KIF13A: variants seen among roughly 807,000 people sequenced by gnomAD.
KIF13A encodes the protein kinesin-like protein KIF13A.
In KIF13A, 79 loss-of-function variants were observed where a neutral mutation model predicts 212.2. The ratio of observed to expected loss-of-function variants is 0.37; its 90% confidence interval spans 0.31 to 0.45. The LOEUF (loss-of-function observed/expected upper bound fraction) is 0.45, where lower values mean the gene tolerates loss of function less well. Ranked by LOEUF, KIF13A falls within the 20% of genes least tolerant of loss-of-function variation. The pLI, the probability that KIF13A is intolerant of heterozygous loss-of-function variation, is 1.00. For synonymous variants in KIF13A, 789 were observed against 808.6 expected (o/e 0.98, Z 0.41); for missense variants, 1,901 against 2,209.0 (o/e 0.86, Z 2.79).
rs1280577030 is a variant in KIF13A at position 17,783,939 on chromosome 6, T to C, written c.3489-238A>G. 6.6e-6 allele frequency among the ~76,000 whole-genome samples: 1 copy of C among 152,152 alleles called. No individual in the cohort carries two copies. Among genetic ancestry groups the C allele is most frequent in the Non-Finnish European group, 1.5e-5 (1 of 68,030 alleles). On this transcript the variant is annotated intron_variant, in intron 28 of 38. Coordinates refer to ENST00000259711, the MANE Select transcript of KIF13A (RefSeq NM_022113.6). The surrounding 1 kb of genome is among the most constrained non-coding windows in gnomAD (Gnocchi z 4.3). ...ATGTAATTAATTGAAACAAAGATGA[T>C]TTTAAGCCTTTCTAAAAATAATTCC...
At chr6:17,759,615 C>T (rs1180335739), downstream of KIF13A, 1 of 152,176 alleles carries the variant, frequency 6.6e-6, no homozygotes, top group African/African-American at 2.4e-5. Flanking sequence ...AATTTCCATA[C>T]ACATAATCCT....
rs916869953 is a variant in KIF13A at position 17,825,574 on chromosome 6, T to C, written c.1786+194A>G. On this transcript the variant is annotated intron_variant, in intron 16 of 38. Coordinates refer to ENST00000259711, the MANE Select transcript of KIF13A (RefSeq NM_022113.6). This position sits in a 1 kb window ranked among gnomAD's most constrained non-coding sequence, Gnocchi z 4.5. ...AAAACGGGACCATCCATATCCTCAT[T>C]GTAACTGAGGGAGAAGACCATCTCC... 2.6e-5 allele frequency among the ~76,000 whole-genome samples: 4 copies of C among 152,176 alleles called. No individual in the cohort carries two copies. The highest frequency in any genetic ancestry group is 9.7e-5 in the African/African-American group (4 of 41,432).
intron 2 of KIF13A, among the ~76,000 whole-genome samples, chr6:17,941,425 G>GA (rs891092521): frequency 2.3e-4 from 35 of 152,146 alleles, no homozygotes; most frequent in African/African-American, 7.7e-4. Flanking sequence ...TTTCCATATT[G>GA]AAGCCTTAAC....
intron 2 of KIF13A, among the ~76,000 whole-genome samples, chr6:17,956,189 G>A (rs1041494378): frequency 6.6e-6 from 1 of 152,144 alleles, no homozygotes; most frequent in South Asian, 2.1e-4. Context: ...AGGAAGTTGA[G>A]GCATGGAGAG....
Position 17,763,902 on chromosome 6 carries a change from T to G in KIF13A, c.*208A>C. 1 of 1,417,916 alleles carries G rather than the reference T, an allele frequency of 7.1e-7. No individual in the cohort carries two copies. The highest frequency in any genetic ancestry group is 9.2e-7 in the Non-Finnish European group (1 of 1,090,256). The allele number at this position is 1,417,916 out of a possible 1,614,324, so 87.8% of individuals were successfully genotyped here. A position where few individuals can be genotyped will look rare whatever the true frequency, so the allele number is the denominator to read the frequency against. ...ACACTTCATTCAACACCAACCCATG[T>G]GCCAGGTAAAAAAATCCACTGGTCT... On this transcript the variant is annotated 3_prime_UTR_variant, in exon 39 of 39. Transcript: ENST00000259711.
rs1246882735 is a variant in KIF13A at position 17,786,806 on chromosome 6, G to A, written c.3361+970C>T. 6.6e-6 allele frequency among the ~76,000 whole-genome samples: 1 copy of A among 152,144 alleles called. No individual in the cohort carries two copies. Among genetic ancestry groups the A allele is most frequent in the African/African-American group, 2.4e-5 (1 of 41,432 alleles). On this transcript the variant is annotated intron_variant, in intron 27 of 38. Transcript: ENST00000259711. The surrounding 1 kb of genome is among the most constrained non-coding windows in gnomAD (Gnocchi z 5.4). ...GCACACACACAAGGCGACATCACATGTTGAGCCAAGGTGTTTTCCTGAGGG... is the reference window on the plus strand; with the variant it reads ...GCACACACACAAGGCGACATCACATATTGAGCCAAGGTGTTTTCCTGAGGG...
Position 17,821,896 on chromosome 6 carries a change from G to A in KIF13A, c.1786+3872C>T, listed in dbSNP as rs559837775. Reference sequence around the variant, plus strand: ...CCACCAGGCAGACAGGCTTATTATCGGGAAGCCACCTAGCAGTAGAGGGGA... The same window carrying A: ...CCACCAGGCAGACAGGCTTATTATCAGGAAGCCACCTAGCAGTAGAGGGGA... On this transcript the variant is annotated intron_variant, in intron 16 of 38. Coordinates refer to ENST00000259711, the MANE Select transcript of KIF13A (RefSeq NM_022113.6). 3.6e-5 allele frequency: 56 copies of A among 1,535,340 alleles called. No individual in the cohort carries two copies. In the East Asian group the frequency reaches 5.9e-4, roughly 16 times the overall value.
At chr6:17,791,552 G>A (rs1761555592) in intron 25 of KIF13A, among the ~76,000 whole-genome samples, 1 of 152,094 alleles carries the variant, frequency 6.6e-6, no homozygotes, top group Non-Finnish European at 1.5e-5. Flanking sequence ...ATATTTTAAA[G>A]TTTACAATTT....
chr6:17,965,171 A>ATGTCCC (rs1429630955), intron 2 of KIF13A, among the ~76,000 whole-genome samples: 2 of 152,120 alleles, frequency 1.3e-5, no homozygotes, highest in Non-Finnish European at 2.9e-5. Flanking sequence ...CCCAAATGAA[A>ATGTCCC]AGGTTACAAG....
intron 2 of KIF13A, among the ~76,000 whole-genome samples, chr6:17,952,042 G>A (rs144585062): frequency 2.6e-5 from 4 of 152,188 alleles, no homozygotes; most frequent in African/African-American, 4.8e-5. Flanking sequence ...GGTGGCTCAC[G>A]CCTGTAATCT....
Position 17,799,863 on chromosome 6 carries a change from C to G in KIF13A, c.2616+89G>C, listed in dbSNP as rs1762338774. On this transcript the variant is annotated intron_variant, in intron 21 of 38. Transcript: ENST00000259711. This position sits in a 1 kb window ranked among gnomAD's most constrained non-coding sequence, Gnocchi z 4.4. ...GTTACAAAATCCAACTTTTACTACC[C>G]TGGATGAAAAACTCTCATAAGATTT... 1 of 1,464,004 alleles carries G rather than the reference C, an allele frequency of 6.8e-7. No individual in the cohort carries two copies. Among genetic ancestry groups the G allele is most frequent in the African/African-American group, 1.4e-5 (1 of 71,352 alleles). The allele number at this position is 1,464,004 out of a possible 1,614,324, so 90.7% of individuals were successfully genotyped here.
At chr6:17,781,479 TTC>T (rs1177006848) in intron 29 of KIF13A, among the ~76,000 whole-genome samples, 178 bp from the exon 30 acceptor site, 3 of 152,156 alleles carry the variant, frequency 2.0e-5, no homozygotes, top group Non-Finnish European at 4.4e-5. Context: ...ACAGCTTTTT[TTC>T]TTTTTTAAAA....
intron 17 of KIF13A, among the ~76,000 whole-genome samples, chr6:17,814,141 TG>T (rs1406548712): frequency 1.3e-5 from 2 of 151,204 alleles, no homozygotes; most frequent in African/African-American, 2.4e-5. Flanking sequence ...TTAGTAGAGA[TG>T]GGGTTTCACC....
chr6:17,982,527 A>G lies in KIF13A; in HGVS notation c.146+4527T>C. ...ACTGACCCTCCCTCACACGATTTGC[A>G]AGGTGTATTGTTCATCCTGCCATAT... On this transcript the variant is annotated intron_variant, in intron 2 of 38. Transcript: ENST00000259711. This position sits in a 1 kb window ranked among gnomAD's most constrained non-coding sequence, Gnocchi z 5.1. The G allele has an allele frequency of 1.6e-6, 1 of 635,746 alleles. No homozygotes were observed. Among genetic ancestry groups the G allele is most frequent in the South Asian group, 7.0e-5 (1 of 14,238 alleles). 39.4% of individuals were successfully genotyped at this position (635,746 alleles called of 1,614,324 possible). A position where few individuals can be genotyped will look rare whatever the true frequency, so the allele number is the denominator to read the frequency against.
Position 17,855,705 on chromosome 6 carries a change from C to T in KIF13A, c.314-88G>A. ...CATACAAGGTTTCCCCATATACTGGCCATGGTAACATAGCAGAAGAGTGGC... is the reference window on the plus strand; with the variant it reads ...CATACAAGGTTTCCCCATATACTGGTCATGGTAACATAGCAGAAGAGTGGC... On this transcript the variant is annotated intron_variant, in intron 5 of 38. Transcript: ENST00000259711. The surrounding 1 kb of genome is among the most constrained non-coding windows in gnomAD (Gnocchi z 4.1). The T allele has an allele frequency of 1.9e-6, 2 of 1,080,804 alleles. No individual in the cohort carries two copies. Among genetic ancestry groups the T allele is most frequent in the Non-Finnish European group, 2.6e-6 (2 of 758,982 alleles). The allele number at this position is 1,080,804 out of a possible 1,614,324, so 67.0% of individuals were successfully genotyped here.
chr6:17,975,933 C>T (rs1320383862), intron 2 of KIF13A, among the ~76,000 whole-genome samples: 1 of 150,968 alleles, frequency 6.6e-6, no homozygotes, highest in Non-Finnish European at 1.5e-5. Context: ...CATAAAGGTT[C>T]TCCAAGGCCC....
At chr6:17,830,214 T>C (rs1296833234) in intron 13 of KIF13A, among the ~76,000 whole-genome samples, 1 of 152,230 alleles carries the variant, frequency 6.6e-6, no homozygotes, top group East Asian at 1.9e-4. Context: ...TCAGGAGGCC[T>C]ATGAAGTCAA....
rs900087738 is a variant in KIF13A at position 17,786,418 on chromosome 6, G to A, written c.3362-777C>T. 2.0e-5 allele frequency among the ~76,000 whole-genome samples: 3 copies of A among 152,022 alleles called. No homozygotes were observed. Among genetic ancestry groups the A allele is most frequent in the Admixed American group, 6.6e-5 (1 of 15,252 alleles). On this transcript the variant is annotated intron_variant, in intron 27 of 38. Transcript: ENST00000259711. This position sits in a 1 kb window ranked among gnomAD's most constrained non-coding sequence, Gnocchi z 5.4. Reference sequence around the variant, plus strand: ...GTTCAAAACCAGCCTGACCAATATGGTAAAACCCTGTCTCCACTAAAAATA... The same window carrying A: ...GTTCAAAACCAGCCTGACCAATATGATAAAACCCTGTCTCCACTAAAAATA...
intron 20 of KIF13A, among the ~76,000 whole-genome samples, chr6:17,803,036 C>T (rs187964802): frequency 2.7e-5 from 4 of 150,886 alleles, no homozygotes; most frequent in East Asian, 2.0e-4. Context: ...CGGGTTCAAG[C>T]GATTCTCCTG....
Sources: gnomAD v4.1 joint callset for allele counts (sites outside exome capture counted in the v4.1 genomes callset) on GRCh38, gnomAD v4.1.1 for gene constraint, Gnocchi (gnomAD v3.1) non-coding constraint, MANE v1.5 for transcripts, NCBI Gene and HGNC (gene_info 2026-07-23, HGNC 2026-07-21) for gene names.